The following PPP1R16B variants were observed in gnomAD, a reference collection of about 807,000 sequenced individuals.
PPP1R16B encodes the protein protein phosphatase 1 regulatory inhibitor subunit 16B.
Under a neutral mutation model 61.7 loss-of-function variants are expected in PPP1R16B, and 14 were observed. That is an observed-to-expected ratio of 0.23 (90% confidence interval 0.15 to 0.35). The LOEUF (loss-of-function observed/expected upper bound fraction) is 0.35, where lower values mean the gene tolerates loss of function less well. Among genes scored for constraint, PPP1R16B ranks in the 10% least tolerant of loss-of-function variants. The pLI is 1.00. For synonymous variants in PPP1R16B, 266 were observed against 305.3 expected, an observed-to-expected ratio of 0.87 and a Z score of 1.34; for missense variants, 547 against 752.5, an observed-to-expected ratio of 0.73 and a Z score of 3.19.
intron 1 of PPP1R16B, among the ~76,000 whole-genome samples, chr20:38,814,289 C>G (rs1261973363): frequency 1.3e-5 from 2 of 152,154 alleles, no homozygotes; most frequent in African/African-American, 4.8e-5. Flanking sequence ...GCTGTCTTCT[C>G]TTTATGGGGC....
At chr20:38,841,055 TGTTATCTCG>T (rs2084906033) in intron 2 of PPP1R16B, among the ~76,000 whole-genome samples, 1 of 152,156 alleles carries the variant, frequency 6.6e-6, no homozygotes, top group Non-Finnish European at 1.5e-5. Flanking sequence ...GCCTTACATA[TGTTATCTCG>T]GTTAATCTTC....
intron 1 of PPP1R16B, among the ~76,000 whole-genome samples, chr20:38,827,501 G>T (rs1033218821): frequency 6.6e-5 from 10 of 152,204 alleles, no homozygotes; most frequent in African/African-American, 2.2e-4. Context: ...GGCTTCAGGG[G>T]ACAGTGACAA....
At chr20:38,908,996 A>C (rs1047495601) in intron 10 of PPP1R16B, among the ~76,000 whole-genome samples, 4 of 151,226 alleles carry the variant, frequency 2.6e-5, no homozygotes, top group Non-Finnish European at 4.4e-5. Context: ...TTCTTTTTTT[A>C]TTTTTATTTT....
At chr20:38,814,042 C>T (rs965662979) in intron 1 of PPP1R16B, among the ~76,000 whole-genome samples, 6 of 152,040 alleles carry the variant, frequency 3.9e-5, no homozygotes, top group African/African-American at 1.4e-4. Flanking sequence ...AGTGATCCAC[C>T]CGGCTCGGCC....
chr20:38,880,315 C>A (rs2085195743), intron 2 of PPP1R16B, among the ~76,000 whole-genome samples: 1 of 152,150 alleles, frequency 6.6e-6, no homozygotes, highest in South Asian at 2.1e-4. Context: ...GAATAAATGA[C>A]ATTGAAGCTG....
At chr20:38,912,095 TC>T (rs1416070837) in intron 10 of PPP1R16B, among the ~76,000 whole-genome samples, 2 of 146,942 alleles carry the variant, frequency 1.4e-5, no homozygotes, top group African/African-American at 2.6e-5. Flanking sequence ...GTATAGTCAG[TC>T]TTTTTTTTTT....
chr20:38,837,785 T>A (rs1601246588), intron 2 of PPP1R16B, among the ~76,000 whole-genome samples: 1 of 152,156 alleles, frequency 6.6e-6, no homozygotes. Flanking sequence ...TGACCTCAGG[T>A]GATCCACCTG....
chr20:38,902,303 G>A (rs1046208495), intron 5 of PPP1R16B, among the ~76,000 whole-genome samples: 4 of 152,228 alleles, frequency 2.6e-5, no homozygotes, highest in African/African-American at 9.6e-5. Flanking sequence ...AGATAGGGTG[G>A]TCAGCAGAGG....
At chr20:38,872,081 C>A (rs919245122) in intron 2 of PPP1R16B, among the ~76,000 whole-genome samples, 1 of 152,188 alleles carries the variant, frequency 6.6e-6, no homozygotes, top group Non-Finnish European at 1.5e-5. Flanking sequence ...CCCTGGACAC[C>A]GTGGAGGGTG....
chr20:38,917,295 C>CA (rs59603946), intron 10 of PPP1R16B, among the ~76,000 whole-genome samples: 3,360 of 92,616 alleles, frequency 0.036, 126 homozygotes, highest in African/African-American at 0.12. Context: ...GACTCCGTCT[C>CA]AAAAAAAAAA....
chr20:38,834,404 T>G (rs2084856016), intron 1 of PPP1R16B, among the ~76,000 whole-genome samples: 1 of 152,210 alleles, frequency 6.6e-6, no homozygotes, highest in African/African-American at 2.4e-5. Context: ...ATCAAGTGAT[T>G]GTCCTAAGAC....
intron 2 of PPP1R16B, among the ~76,000 whole-genome samples, chr20:38,863,165 A>G (rs2085065708): frequency 6.6e-6 from 1 of 152,136 alleles, no homozygotes; most frequent in African/African-American, 2.4e-5. Context: ...CCTGGATGCA[A>G]GTTGCCTCTG....
At chr20:38,879,736 G>C (rs2085192060) in intron 2 of PPP1R16B, among the ~76,000 whole-genome samples, 1 of 152,184 alleles carries the variant, frequency 6.6e-6, no homozygotes, top group Admixed American at 6.5e-5. Context: ...ATGTGCAGAG[G>C]CATCTGGGTA....
chr20:38,918,468 G>A lies in PPP1R16B; in HGVS notation c.1506G>A (p.Leu502=). ...GCCACCCCTTCCTTAGCACACACCT[G>A]GGCAGCAGCATGGCCAGGACGGGCG... ...LLSHPFLSTH[L]GSSMARTGES... is the part of the protein sequence containing the mutation. Residue 502 remains leucine (L), a synonymous_variant, in exon 11 of 11, where the codon CTG becomes CTA. Coordinates refer to ENST00000299824, the MANE Select transcript of PPP1R16B (RefSeq NM_015568.4). This position sits in a 1 kb window ranked among gnomAD's most constrained non-coding sequence, Gnocchi z 5.3. 1 of 1,613,914 alleles carries A rather than the reference G, an allele frequency of 6.2e-7. No homozygotes were observed. The highest frequency in any genetic ancestry group is 8.5e-7 in the Non-Finnish European group (1 of 1,179,854).
At chr20:38,887,527 C>T (rs987246042) in intron 2 of PPP1R16B, among the ~76,000 whole-genome samples, 46 of 152,110 alleles carry the variant, frequency 3.0e-4, no homozygotes, top group African/African-American at 1.1e-3. Context: ...TTTATAATGC[C>T]CCAAAGCAGC....
chr20:38,835,899 G>A lies in PPP1R16B; in HGVS notation c.-27G>A. On this transcript the variant is annotated 5_prime_UTR_variant, in exon 2 of 11. Transcript: ENST00000299824. ...CCCCGGTGCACCGTGCTAGCCCCCA[G>A]CCAGGGCGTTGGGGAGGGCGGTGGC... The A allele has an allele frequency of 2.0e-6, 3 of 1,519,748 alleles. No homozygotes were observed. The highest frequency in any genetic ancestry group is 2.6e-6 in the Non-Finnish European group (3 of 1,136,152). 94.1% of individuals were successfully genotyped at this position (1,519,748 alleles called of 1,614,324 possible). A position where few individuals can be genotyped will look rare whatever the true frequency, so the allele number is the denominator to read the frequency against.
rs558184969 is a variant in PPP1R16B, at chr20:38,822,252, T to G, written c.-101-13573T>G. ...AGAATTTGGGGCTACTGTTCTGTGA[T>G]TCTTTTCTGGGATATTTCTCCTTAT... On this transcript the variant is annotated intron_variant, in intron 1 of 10. Coordinates refer to ENST00000299824, the MANE Select transcript of PPP1R16B (RefSeq NM_015568.4). Among the ~76,000 whole-genome samples, 10 of 151,770 alleles carry G rather than the reference T, an allele frequency of 6.6e-5. No homozygotes were observed. In the South Asian group the frequency reaches 1.7e-3, roughly 25 times the overall value.
chr20:38,888,610 T>C (rs1000697020), intron 2 of PPP1R16B, among the ~76,000 whole-genome samples: 6 of 152,068 alleles, frequency 3.9e-5, no homozygotes, highest in African/African-American at 1.4e-4. Context: ...GAGGCAAAGC[T>C]GGAGGGCCTG....
At chr20:38,810,094 T>C (rs2069382675) in intron 1 of PPP1R16B, among the ~76,000 whole-genome samples, 1 of 152,196 alleles carries the variant, frequency 6.6e-6, no homozygotes, top group Non-Finnish European at 1.5e-5. Context: ...TAGTCTATTA[T>C]TGCCAATAAC....
Sources: gnomAD v4.1 joint callset for allele counts (sites outside exome capture counted in the v4.1 genomes callset) on GRCh38, gnomAD v4.1.1 for gene constraint, Gnocchi (gnomAD v3.1) non-coding constraint, MANE v1.5 for transcripts, NCBI Gene and HGNC (gene_info 2026-07-23, HGNC 2026-07-21) for gene names.